Variants in TBC1D1 observed in about 807,000 individuals in gnomAD.
TBC1D1 encodes TBC1 (tre-2/USP6, BUB2, cdc16) domain family, member 1.
In TBC1D1, 89 loss-of-function variants were observed where a neutral mutation model predicts 125.6. That is an observed-to-expected ratio of 0.71 (90% CI 0.60 to 0.85). TBC1D1 has a LOEUF of 0.85. Among genes scored for constraint, TBC1D1 ranks in the 40% least tolerant of loss-of-function variants. The probability of loss-of-function intolerance (pLI) is 0.00; values close to 1 mark genes in which losing one functional copy is unlikely to be tolerated. For synonymous variants in TBC1D1, 565 were observed against 564.1 expected (o/e 1.00, Z -0.02); for missense variants, 1,377 against 1,469.2 (o/e 0.94, Z 1.03).
chr4:38,121,966 C>T lies in TBC1D1; in HGVS notation c.2963-2996C>T, dbSNP rs2152601436. On this transcript the variant is annotated intron_variant, in intron 17 of 19. Transcript: ENST00000261439. ...CCTCCCAAGCAAAGCTTCCTGCAGT[C>T]CTTCCTTCAACTCTGAATTCAAGCA... 3.3e-5 allele frequency among the ~76,000 whole-genome samples: 5 copies of T among 152,256 alleles called. 1 individual carries two copies. The highest frequency in any genetic ancestry group is 3.3e-4 in the Admixed American group (5 of 15,294).
intron 2 of TBC1D1, among the ~76,000 whole-genome samples, chr4:37,948,093 A>G (rs1369398825): frequency 6.6e-6 from 1 of 152,172 alleles, no homozygotes; most frequent in Non-Finnish European, 1.5e-5. Flanking sequence ...TCCAGGATGC[A>G]GTCAAACTGC....
At chr4:37,895,322 A>T (rs1333180700) in intron 1 of TBC1D1, among the ~76,000 whole-genome samples, 2 of 152,202 alleles carry the variant, frequency 1.3e-5, no homozygotes, top group African/African-American at 4.8e-5. Flanking sequence ...ATAATCTCTG[A>T]GGGCCAGCTA....
At chr4:38,092,752 G>A (rs201318918) in intron 13 of TBC1D1, among the ~76,000 whole-genome samples, 16 of 140,502 alleles carry the variant, frequency 1.1e-4, no homozygotes, top group South Asian at 2.4e-4. Context: ...AAAAAAAAAA[G>A]AAAGAAGTAA....
intron 2 of TBC1D1, among the ~76,000 whole-genome samples, chr4:37,961,703 T>G (rs1003893992): frequency 6.6e-6 from 1 of 152,194 alleles, no homozygotes; most frequent in Admixed American, 6.5e-5. Context: ...ATGTTAGTGG[T>G]TTTGCTCTTT....
At position 38,118,097 on chromosome 4, in the gene TBC1D1, A is replaced by G; in HGVS notation, c.2867A>G (p.Glu956Gly). 1.2e-6 allele frequency: 2 copies of G among 1,614,046 alleles called. No homozygotes were observed. Among genetic ancestry groups the G allele is most frequent in the Non-Finnish European group, 1.7e-6 (2 of 1,179,958 alleles). ...CACAGAGACCTCTACAATCACCTGG[A>G]GGAGCACGAGATCGGCCCCAGCCTC... is the stretch of plus-strand genomic sequence containing the variant. Residue 956 changes from glutamate to glycine, a missense_variant, in exon 17 of 20, where the codon GAG (glutamate) becomes GGG (glycine). Coordinates refer to ENST00000261439, the MANE Select transcript of TBC1D1 (RefSeq NM_015173.4).
At chr4:38,059,147 A>G (rs904322040) in intron 12 of TBC1D1, among the ~76,000 whole-genome samples, 7 of 152,368 alleles carry the variant, frequency 4.6e-5, no homozygotes, top group African/African-American at 1.7e-4. Context: ...GTTAATTTAT[A>G]TTTAGAAATT....
chr4:38,003,868 C>CAAAAAAATAAAA (rs1739548259), intron 2 of TBC1D1, among the ~76,000 whole-genome samples: 1 of 125,410 alleles, frequency 8.0e-6, no homozygotes. Context: ...GACCCTGTCT[C>CAAAAAAATAAAA]AAAAAAAAAA....
intron 12 of TBC1D1, among the ~76,000 whole-genome samples, chr4:38,064,677 G>A (rs1322406047): frequency 6.7e-6 from 1 of 149,980 alleles, no homozygotes; most frequent in African/African-American, 2.5e-5. Context: ...AGGCTGGAGT[G>A]CAGTGGTGCG....
intron 18 of TBC1D1, among the ~76,000 whole-genome samples, chr4:38,129,485 T>C (rs1338325950): frequency 6.6e-6 from 1 of 152,188 alleles, no homozygotes; most frequent in Non-Finnish European, 1.5e-5. Context: ...TGATGTTTTT[T>C]GTAATTCACT....
At chr4:38,021,395 T>G (rs1436295042) in intron 5 of TBC1D1, among the ~76,000 whole-genome samples, 191 bp from the exon 6 acceptor site, 1 of 152,216 alleles carries the variant, frequency 6.6e-6, no homozygotes, top group Admixed American at 6.5e-5. Flanking sequence ...TTTAAGAGCT[T>G]TGAGCATACT....
chr4:38,019,498 TGC>T (rs1743542874), intron 4 of TBC1D1, among the ~76,000 whole-genome samples: 1 of 152,194 alleles, frequency 6.6e-6, no homozygotes, highest in Admixed American at 6.5e-5. Flanking sequence ...AATCCTGATT[TGC>T]TGCTATTTCT....
intron 2 of TBC1D1, among the ~76,000 whole-genome samples, chr4:37,984,376 A>G (rs1426552222): frequency 6.6e-6 from 1 of 152,228 alleles, no homozygotes; most frequent in Non-Finnish European, 1.5e-5. Flanking sequence ...TTGTATTGCC[A>G]TCAACAATGA....
At chr4:38,015,650 G>A (rs2152428639) in intron 3 of TBC1D1, among the ~76,000 whole-genome samples, 1 of 152,296 alleles carries the variant, frequency 6.6e-6, no homozygotes, top group Non-Finnish European at 1.5e-5. Context: ...TGTCCCGGCA[G>A]CGAGCCGGTC....
At chr4:38,058,783 G>A (rs1752223859) in intron 12 of TBC1D1, among the ~76,000 whole-genome samples, 1 of 152,130 alleles carries the variant, frequency 6.6e-6, no homozygotes, top group Non-Finnish European at 1.5e-5. Context: ...TTGCAATAGT[G>A]ATAATGTTAC....
chr4:38,119,891 A>T, intron 17 of TBC1D1: 2 of 947,492 alleles, frequency 2.1e-6, no homozygotes, highest in Non-Finnish European at 2.5e-6. Flanking sequence ...TCACTGAGTC[A>T]TCTCTGCCCT....
At chr4:38,109,460 G>A (rs1269831671) in intron 15 of TBC1D1, among the ~76,000 whole-genome samples, 1 of 152,130 alleles carries the variant, frequency 6.6e-6, no homozygotes, top group East Asian at 1.9e-4. Flanking sequence ...CAAGTCAGTC[G>A]GTGGTGCTGG....
rs1040392038 is a variant in TBC1D1 at position 38,014,655 on chromosome 4, T to A, written c.564T>A (p.Ala188=). 1.2e-6 allele frequency: 2 copies of A among 1,613,148 alleles called. No individual in the cohort carries two copies. The highest frequency in any genetic ancestry group is 1.7e-6 in the Non-Finnish European group (2 of 1,179,998). Residue 188 remains alanine, a synonymous_variant, in exon 3 of 20, where the codon GCT becomes GCA. Transcript: ENST00000261439. The surrounding 1 kb of genome is among the most constrained non-coding windows in gnomAD (Gnocchi z 5.1). ...GCGTGACGGTGGCGCACAAGAAGGC[T>A]CCGCCGGCCCTGATCGACGAGTGCA... is the stretch of plus-strand genomic sequence containing the variant.
intron 2 of TBC1D1, among the ~76,000 whole-genome samples, chr4:37,913,259 A>G (rs1718987722): frequency 6.6e-6 from 1 of 152,154 alleles, no homozygotes; most frequent in African/African-American, 2.4e-5. Flanking sequence ...TATGAAAAAT[A>G]ACATAGAAGT....
intron 7 of TBC1D1, among the ~76,000 whole-genome samples, chr4:38,033,095 G>T (rs1467496421): frequency 2.6e-5 from 4 of 152,094 alleles, no homozygotes; most frequent in Non-Finnish European, 5.9e-5. Flanking sequence ...AAACAACTGT[G>T]GTAGTATACT....
Sources: allele counts gnomAD v4.1 joint callset (sites outside exome capture counted in the v4.1 genomes callset), GRCh38; gene constraint gnomAD v4.1.1; non-coding constraint Gnocchi (gnomAD v3.1); transcripts MANE v1.5; gene names NCBI Gene and HGNC (gene_info 2026-07-23, HGNC 2026-07-21).